The following PSTK variants were observed in gnomAD, a reference collection of about 807,000 sequenced individuals.
PSTK encodes the protein L-seryl-tRNA(Sec) kinase.
Under a neutral mutation model 38.6 loss-of-function variants are expected in PSTK, and 26 were observed. The observed-to-expected ratio is 0.67, with a 90% CI of 0.49 to 0.94. The LOEUF is 0.94. PSTK is among the 40% of genes least tolerant of loss of function. PSTK has a pLI of 0.00. For missense variants in PSTK, 445 were observed against 436.3 expected (o/e 1.02, Z -0.18); for synonymous variants, 181 against 161.7 (o/e 1.12, Z -0.91).
At position 122,990,248 on chromosome 10, in the gene PSTK, G is replaced by C; in HGVS notation, c.952G>C (p.Asp318His). ...LNKLKAEFLE[D>H]LKQGNKKYLC... ...CAAGCTCAAAGCAGAGTTTTTGGAA[G>C]ACCTAAAACAAGGAAACAAAAAATA... The change falls in exon 6 of 6, where the codon GAC becomes CAC. Residue 318 changes from aspartate to histidine, a missense_variant. Transcript: ENST00000406217. 6.5e-7 allele frequency: 1 copy of C among 1,541,720 alleles called. No homozygotes were observed. The highest frequency in any genetic ancestry group is 1.2e-5 in the South Asian group (1 of 81,460).
At chr10:122,985,776 A>C (rs1002244131) in intron 3 of PSTK, 1 of 152,280 alleles carries the variant, frequency 6.6e-6, no homozygotes, top group Non-Finnish European at 1.5e-5. Flanking sequence ...TCCTTAGCTT[A>C]TCATTTGTTT....
rs562016361 is a variant in PSTK at position 122,982,997 on chromosome 10, T to G, written c.481T>G (p.Tyr161Asp). ...DDNFYYQSMR[Y>D]EVYQLARKYS... Reference sequence around the variant, plus strand: ...CAATTTTTATTATCAGAGTATGAGATATGAAGTCTACCAGCTGGCTCGGAA... The same window carrying G: ...CAATTTTTATTATCAGAGTATGAGAGATGAAGTCTACCAGCTGGCTCGGAA... Residue 161 changes from tyrosine to aspartate, a missense_variant, in exon 2 of 6, where the codon TAT becomes GAT. Tyr to Asp is a radical substitution (Grantham distance 160). Coordinates refer to ENST00000406217, the MANE Select transcript of PSTK (RefSeq NM_001363531.2). The G allele has an allele frequency of 9.9e-6, 16 of 1,613,112 alleles. No individual in the cohort carries two copies. Among genetic ancestry groups the G allele is most frequent in the Non-Finnish European group, 1.4e-5 (16 of 1,179,382 alleles).
rs1848987921 is a variant in PSTK, at chr10:122,983,085, T to C, written c.508+61T>C. 2.1e-6 allele frequency: 3 copies of C among 1,425,780 alleles called. No homozygotes were observed. In the African/African-American group the frequency reaches 4.3e-5, roughly 20 times the overall value. 88.3% of individuals were successfully genotyped at this position (1,425,780 alleles called of 1,614,324 possible). A position where few individuals can be genotyped will look rare whatever the true frequency, so the allele number is the denominator to read the frequency against. On this transcript the variant is annotated intron_variant, in intron 2 of 5. Transcript: ENST00000406217. ...ACTTATTCACGTATCAAAAACACTA[T>C]TGTCTTCAATGAGAATTTAACTTGA...
chr10:122,989,853 G>C (rs944680227), intron 5 of PSTK, among the ~76,000 whole-genome samples: 1 of 152,156 alleles, frequency 6.6e-6, no homozygotes, highest in African/African-American at 2.4e-5. Flanking sequence ...ATCTATTTCT[G>C]CTTTTTTGCC....
In PSTK at chr10:122,986,851, A is replaced by G; in HGVS notation, c.784-18A>G. ...TAAAACTATGTGACTTCTAATAACA[A>G]TGTCTGTATTAACATAGGACACAGA... On this transcript the variant is annotated intron_variant, in intron 4 of 5. Coordinates refer to ENST00000406217, the MANE Select transcript of PSTK (RefSeq NM_001363531.2). The G allele has an allele frequency of 7.0e-7, 1 of 1,433,394 alleles. No individual in the cohort carries two copies. The highest frequency in any genetic ancestry group is 1.2e-5 in the South Asian group (1 of 85,186). The allele number at this position is 1,433,394 out of a possible 1,614,324, so 88.8% of individuals were successfully genotyped here.
chr10:122,990,067 T>C (rs1218665932), intron 5 of PSTK, 107 bp from the exon 6 acceptor site: 3 of 723,444 alleles, frequency 4.1e-6, no homozygotes, highest in Admixed American at 3.7e-5. Flanking sequence ...TGTGATTGTT[T>C]ATAGAATCTA....
intron 5 of PSTK, among the ~76,000 whole-genome samples, 167 bp from the exon 6 acceptor site, chr10:122,990,007 T>G (rs1849107459): frequency 6.6e-6 from 1 of 152,234 alleles, no homozygotes; most frequent in South Asian, 2.1e-4. Context: ...TTCAGATGAT[T>G]TTTGAGTATC....
At position 122,986,894 on chromosome 10, in the gene PSTK, C is replaced by T; in HGVS notation, c.809C>T (p.Thr270Ile). 1 of 1,610,176 alleles carries T rather than the reference C, an allele frequency of 6.2e-7. No individual in the cohort carries two copies. Among genetic ancestry groups the T allele is most frequent in the South Asian group, 1.1e-5 (1 of 90,760 alleles). Reference protein sequence around the residue: ...QKDTDRIICSTNILHKTDQTL... With the variant: ...QKDTDRIICSINILHKTDQTL... ...GACACAGACAGAATTATTTGTTCAA[C>T]TAACATTCTTCATAAAACTGATCAG... Residue 270 changes from threonine (T) to isoleucine (I), a missense_variant, in exon 5 of 6, where the codon ACT becomes ATT. By Grantham distance (89) the Thr-to-Ile change is moderately conservative. Coordinates refer to ENST00000406217, the MANE Select transcript of PSTK (RefSeq NM_001363531.2).
chr10:122,987,468 T>C (rs1186236858), intron 5 of PSTK: 2 of 1,613,932 alleles, frequency 1.2e-6, no homozygotes, highest in African/African-American at 2.7e-5. Context: ...GTTGCAGTGT[T>C]GCAGAATCGA....
chr10:122,986,394 T>C lies in PSTK; in HGVS notation c.783+19T>C. On this transcript the variant is annotated intron_variant, in intron 4 of 5. Coordinates refer to ENST00000406217, the MANE Select transcript of PSTK (RefSeq NM_001363531.2). ...ACAAAAGGTAAACTTCCAGTGTAAA[T>C]TTAATGTAAATGAGAAGGAACAACT... 1.9e-6 allele frequency: 3 copies of C among 1,546,812 alleles called. No individual in the cohort carries two copies. Among genetic ancestry groups the C allele is most frequent in the South Asian group, 2.2e-5 (2 of 89,620 alleles).
Position 122,980,679 on chromosome 10 carries a change from C to A in PSTK, c.200C>A (p.Ala67Glu). The change falls in exon 1 of 6, where the codon GCA becomes GAA. Residue 67 changes from alanine to glutamate, a missense_variant. Physicochemically the swap from Ala to Glu is moderately radical, Grantham distance 107 (BLOSUM62 -1). Transcript: ENST00000406217. The surrounding 1 kb of genome is among the most constrained non-coding windows in gnomAD (Gnocchi z 4.3). Reference sequence around the variant, plus strand: ...ATGCCCGACGCGTTTCTCGCCGGGGCAAGAGCGCGACCGGCGGTCAGCACG... The same window carrying A: ...ATGCCCGACGCGTTTCTCGCCGGGGAAAGAGCGCGACCGGCGGTCAGCACG... ...DVMPDAFLAGARARPAPSQWK... is the reference protein window; with the variant it reads ...DVMPDAFLAGERARPAPSQWK... The A allele has an allele frequency of 1.3e-6, 2 of 1,538,228 alleles. No individual in the cohort carries two copies. Among genetic ancestry groups the A allele is most frequent in the Non-Finnish European group, 1.7e-6 (2 of 1,143,146 alleles).
intron 4 of PSTK, 89 bp downstream of exon 4, chr10:122,986,464 A>G: frequency 1.1e-6 from 1 of 936,240 alleles, no homozygotes; most frequent in Non-Finnish European, 1.7e-6. Flanking sequence ...TGTGAGTGAA[A>G]CGGGAGATGC....
At chr10:122,982,682 C>G in intron 1 of PSTK, 51 bp from the exon 2 acceptor site, 1 of 1,551,366 alleles carries the variant, frequency 6.4e-7, no homozygotes, top group Non-Finnish European at 8.8e-7. Context: ...GGCCAGATGA[C>G]TGACCACCCT....
Position 122,982,892 on chromosome 10 carries a change from T to C in PSTK, c.376T>C (p.Ser126Pro), listed in dbSNP as rs1848982911. The C allele has an allele frequency of 1.9e-6, 3 of 1,614,262 alleles. No homozygotes were observed. The highest frequency in any genetic ancestry group is 2.5e-6 in the Non-Finnish European group (3 of 1,180,048). ...CTTAAAGGATCAAGATCTGATATTT[T>C]CTGCAGCATTTGAGGCCCAGTCTTG... ...TCLKDQDLIF[S>P]AAFEAQSCYL... Residue 126 changes from serine (S) to proline (P), a missense_variant, in exon 2 of 6, where the codon TCT (serine) becomes CCT (proline). Transcript: ENST00000406217.
At chr10:122,989,218 G>T (rs1317624981) in intron 5 of PSTK, among the ~76,000 whole-genome samples, 1 of 151,436 alleles carries the variant, frequency 6.6e-6, no homozygotes, top group East Asian at 1.9e-4. Flanking sequence ...AAGGGAAGGT[G>T]GTAAGGAGGA....
chr10:122,983,152 G>A (rs1848988912), intron 2 of PSTK, 120 bp from the exon 3 acceptor site: 36 of 1,197,896 alleles, frequency 3.0e-5, no homozygotes, highest in Non-Finnish European at 4.0e-5. Context: ...AAAGCTAGAT[G>A]TTCAGTATTG....
At chr10:122,981,595 A>T (rs188074954) in intron 1 of PSTK, among the ~76,000 whole-genome samples, 158 of 152,320 alleles carry the variant, frequency 1.0e-3, no homozygotes, top group Non-Finnish European at 1.7e-3. Flanking sequence ...ATCAAATGCA[A>T]ATGTTATGTG....
rs1196775144 is a variant in PSTK at position 122,990,335 on chromosome 10, GAT to G, written c.1041_1042del (p.Asp347GlufsTer?). The stretch of plus-strand genomic sequence containing the variant: ...CATTTCTTTTTTTCATTATGAGAAA[GAT>G]AATATTGTACAGAAGTATTTTTCAA... ...DVISFFHYEKDNIVQKYFSKQ... is the reference protein window; with the variant it reads ...DVISFFHYEKXNIVQKYFSKQ... On this transcript the variant is annotated frameshift_variant, in exon 6 of 6. Transcript: ENST00000406217. LOFTEE classifies it high-confidence loss of function. The G allele has an allele frequency of 4.6e-6, 7 of 1,505,692 alleles. No homozygotes were observed. The highest frequency in any genetic ancestry group is 1.4e-5 in the African/African-American group (1 of 70,440). The allele number at this position is 1,505,692 out of a possible 1,614,324, so 93.3% of individuals were successfully genotyped here.
chr10:122,986,231 A>C, intron 3 of PSTK, 69 bp from the exon 4 acceptor site: 1 of 748,714 alleles, frequency 1.3e-6, no homozygotes, highest in South Asian at 3.0e-5. Context: ...TCCATCTCAA[A>C]AAAAAAAAAA....
Sources: allele counts gnomAD v4.1 joint callset (sites outside exome capture counted in the v4.1 genomes callset), GRCh38; gene constraint gnomAD v4.1.1; non-coding constraint Gnocchi (gnomAD v3.1); transcripts MANE v1.5; gene names NCBI Gene and HGNC (gene_info 2026-07-23, HGNC 2026-07-21).